Variants in NCAM2 observed in about 807,000 individuals in gnomAD.
The protein encoded by NCAM2 is N-CAM-2.
Under a neutral mutation model 98.1 loss-of-function variants are expected in NCAM2, and 30 were observed. That is an observed-to-expected ratio of 0.31 (90% CI 0.23 to 0.41). The LOEUF (loss-of-function observed/expected upper bound fraction) is 0.41. NCAM2 is among the 10% of genes least tolerant of loss of function. The probability of loss-of-function intolerance (pLI) is 1.00; values close to 1 mark genes in which losing one functional copy is unlikely to be tolerated. For missense variants in NCAM2, 867 were observed against 1,005.8 expected, an observed-to-expected ratio of 0.86 and a Z score of 1.87; for synonymous variants, 368 against 342.4, an observed-to-expected ratio of 1.07 and a Z score of -0.83.
At chr21:20,999,365 T>C (rs1446085982) in intron 1 of NCAM2, among the ~76,000 whole-genome samples, 1 of 146,000 alleles carries the variant, frequency 6.8e-6, no homozygotes, top group Admixed American at 6.7e-5. Flanking sequence ...AAAAAAAAAA[T>C]GAATAGCCTG....
intron 1 of NCAM2, among the ~76,000 whole-genome samples, chr21:21,265,309 A>G (rs1203543381): frequency 2.3e-5 from 3 of 131,646 alleles, no homozygotes; most frequent in East Asian, 2.3e-4. Context: ...GTGTATACAT[A>G]CACGTATATA....
intron 1 of NCAM2, among the ~76,000 whole-genome samples, chr21:21,016,537 G>T (rs11910837): frequency 0.57 from 87,045 of 151,848 alleles, 25,495 homozygotes; most frequent in East Asian, 0.82. Context: ...TCAGTCTGAT[G>T]GGCAAAAAGA....
intron 11 of NCAM2, among the ~76,000 whole-genome samples, chr21:21,431,311 C>G (rs1231978084): frequency 1.7e-5 from 2 of 115,188 alleles, no homozygotes; most frequent in Non-Finnish European, 3.5e-5. Flanking sequence ...TCAAAAATCC[C>G]TCACTGGGAT....
At chr21:21,369,951 A>G (rs1363135069) in intron 8 of NCAM2, among the ~76,000 whole-genome samples, 1 of 151,668 alleles carries the variant, frequency 6.6e-6, no homozygotes, top group Non-Finnish European at 1.5e-5. Flanking sequence ...TTGTAGGGGT[A>G]CAACTCATGC....
chr21:21,164,301 A>G (rs1342169610), intron 1 of NCAM2, among the ~76,000 whole-genome samples: 3 of 152,186 alleles, frequency 2.0e-5, no homozygotes, highest in Non-Finnish European at 4.4e-5. Context: ...TTACAATTTC[A>G]TGGATGATTA....
chr21:21,452,959 ATATATTATATATTATTATATATTATATAT>A (rs1210353776), intron 12 of NCAM2, among the ~76,000 whole-genome samples: 13 of 35,300 alleles, frequency 3.7e-4, no homozygotes, highest in African/African-American at 1.4e-3. Context: ...ACTATATATT[ATATATTATATATTATTATATATTATATAT>A]TATATTATAT....
At chr21:21,425,689 T>A (rs1271442454) in intron 11 of NCAM2, among the ~76,000 whole-genome samples, 1 of 152,144 alleles carries the variant, frequency 6.6e-6, no homozygotes, top group Non-Finnish European at 1.5e-5. Flanking sequence ...AGTGTATCTA[T>A]TTTGAAGGAT....
chr21:21,254,341 A>G (rs902291030), intron 1 of NCAM2, among the ~76,000 whole-genome samples: 1 of 152,136 alleles, frequency 6.6e-6, no homozygotes. Flanking sequence ...CAGCCTATCT[A>G]CTCAGGTTTG....
chr21:21,075,177 G>C (rs917499908), intron 1 of NCAM2, among the ~76,000 whole-genome samples: 2 of 152,084 alleles, frequency 1.3e-5, no homozygotes, highest in Non-Finnish European at 2.9e-5. Context: ...TCACACACCG[G>C]GGCTTGTTGA....
chr21:21,067,320 G>C lies in NCAM2; in HGVS notation c.55+68702G>C, dbSNP rs187194060. Among the ~76,000 whole-genome samples the C allele has an allele frequency of 2.7e-3, 412 of 151,964 alleles. 3 individuals are homozygous for C. The highest frequency in any genetic ancestry group is 9.5e-3 in the African/African-American group (393 of 41,516). ...AACTTCATAAACAAGTATGAAGAGG[G>C]GAATTGTGTACCACGTTTGTAATAA... On this transcript the variant is annotated intron_variant, in intron 1 of 17. Transcript: ENST00000400546.
chr21:21,096,645 T>C (rs1469088895), intron 1 of NCAM2, among the ~76,000 whole-genome samples: 1 of 151,758 alleles, frequency 6.6e-6, no homozygotes, highest in Non-Finnish European at 1.5e-5. Flanking sequence ...TTCTATGCCT[T>C]GTTCGATGGT....
intron 1 of NCAM2, among the ~76,000 whole-genome samples, chr21:21,222,027 A>G (rs1219867153): frequency 6.6e-6 from 1 of 152,148 alleles, no homozygotes; most frequent in Non-Finnish European, 1.5e-5. Flanking sequence ...GCCCTTAAGA[A>G]TTATGCTAAA....
At chr21:21,347,085 T>G (rs1469992736) in intron 8 of NCAM2, among the ~76,000 whole-genome samples, 1 of 151,890 alleles carries the variant, frequency 6.6e-6, no homozygotes, top group African/African-American at 2.4e-5. Context: ...AACAATAAGT[T>G]GCTTTATTAA....
chr21:21,467,447 A>G (rs946253666), intron 13 of NCAM2, among the ~76,000 whole-genome samples: 2 of 51,790 alleles, frequency 3.9e-5, no homozygotes, highest in Non-Finnish European at 1.0e-4. Context: ...TATATATGTT[A>G]GGACAGTCAA....
intron 1 of NCAM2, among the ~76,000 whole-genome samples, chr21:21,131,080 A>G (rs937956861): frequency 1.3e-5 from 2 of 152,202 alleles, no homozygotes; most frequent in African/African-American, 4.8e-5. Flanking sequence ...GGAATAGACC[A>G]TTTAAATAAG....
intron 9 of NCAM2, among the ~76,000 whole-genome samples, chr21:21,388,345 A>G (rs2076312899): frequency 6.6e-6 from 1 of 152,206 alleles, no homozygotes; most frequent in African/African-American, 2.4e-5. Context: ...TTAGGTAGAT[A>G]AAGAAAATAT....
intron 1 of NCAM2, among the ~76,000 whole-genome samples, chr21:21,260,026 G>A (rs1278221655): frequency 1.3e-5 from 2 of 150,478 alleles, no homozygotes; most frequent in African/African-American, 4.9e-5. Flanking sequence ...ATCTGGAATT[G>A]AAATTTCACT....
chr21:21,509,145 A>G lies in NCAM2; in HGVS notation c.2282+90A>G, dbSNP rs1988197265. The G allele has an allele frequency of 5.6e-6, 7 of 1,243,250 alleles. 1 individual carries two copies. Among genetic ancestry groups the G allele is most frequent in the Non-Finnish European group, 8.0e-6 (7 of 871,038 alleles). 77.0% of individuals were successfully genotyped at this position (1,243,250 alleles called of 1,614,324 possible). A position where few individuals can be genotyped will look rare whatever the true frequency, so the allele number is the denominator to read the frequency against. Reference sequence around the variant, plus strand: ...ACCTGAGGGCGTTGTAGGGTAAAGGAGTAGGGTAAAGAGTTTGATTATGCA... The same window carrying G: ...ACCTGAGGGCGTTGTAGGGTAAAGGGGTAGGGTAAAGAGTTTGATTATGCA... On this transcript the variant is annotated intron_variant, in intron 16 of 17. Transcript: ENST00000400546.
At chr21:21,063,992 G>A (rs2065378981) in intron 1 of NCAM2, among the ~76,000 whole-genome samples, 2 of 152,188 alleles carry the variant, frequency 1.3e-5, no homozygotes, top group South Asian at 2.1e-4. Context: ...GGACATCCAG[G>A]AAGTGGCTTG....
Sources: gnomAD v4.1 joint callset for allele counts (sites outside exome capture counted in the v4.1 genomes callset) on GRCh38, gnomAD v4.1.1 for gene constraint, MANE v1.5 for transcripts, NCBI Gene and HGNC (gene_info 2026-07-23, HGNC 2026-07-21) for gene names.